The following GSAP variants were observed in gnomAD, a reference collection of about 807,000 sequenced individuals.
GSAP encodes the protein gamma-secretase activating protein, also known as gamma-secretase-activating protein.
Under a neutral mutation model 131.7 loss-of-function variants are expected in GSAP, and 118 were observed. The observed-to-expected ratio is 0.90, with a 90% confidence interval of 0.77 to 1.04. The LOEUF is 1.04. GSAP is among the 50% of genes least tolerant of loss of function. GSAP has a pLI of 0.00. For missense variants in GSAP, 1,019 were observed against 1,013.2 expected (o/e 1.01, Z -0.08); for synonymous variants, 381 against 363.4 (o/e 1.05, Z -0.55).
intron 2 of GSAP, 75 bp from the exon 3 acceptor site, chr7:77,404,690 C>CTTTATTTTCT: frequency 1.2e-6 from 1 of 810,934 alleles, no homozygotes. Context: ...TTAAAACCAA[C>CTTTATTTTCT]CTGCAATAAC....
intron 23 of GSAP, 121 bp from the exon 24 acceptor site, chr7:77,323,863 C>T: frequency 1.9e-6 from 1 of 525,186 alleles, no homozygotes; most frequent in East Asian, 3.3e-5. Context: ...TCTGAAGGTC[C>T]CATCAATGGA....
intron 19 of GSAP, among the ~76,000 whole-genome samples, chr7:77,335,572 CA>C (rs1330230127): frequency 2.6e-5 from 4 of 151,970 alleles, no homozygotes; most frequent in Non-Finnish European, 4.4e-5. Flanking sequence ...ACAAAAGAAC[CA>C]GTGGGTTACA....
chr7:77,328,366 G>A, intron 22 of GSAP: 3 of 1,263,430 alleles, frequency 2.4e-6, no homozygotes, highest in Non-Finnish European at 3.0e-6. Flanking sequence ...GAACCGCAAG[G>A]CCATCACCCA....
intron 1 of GSAP, among the ~76,000 whole-genome samples, chr7:77,411,775 A>C (rs1055249756): frequency 6.6e-6 from 1 of 152,148 alleles, no homozygotes; most frequent in Non-Finnish European, 1.5e-5. Flanking sequence ...TCAAAAATAT[A>C]TATATGAAAA....
intron 19 of GSAP, among the ~76,000 whole-genome samples, chr7:77,339,485 T>C (rs143313827): frequency 1.3e-3 from 192 of 151,984 alleles, no homozygotes; most frequent in African/African-American, 4.1e-3. Flanking sequence ...CAGAGGGTCA[T>C]AGAGAGATCT....
At chr7:77,376,816 T>C (rs775534410) in intron 10 of GSAP, 32 bp downstream of exon 10, 9 of 1,041,720 alleles carry the variant, frequency 8.6e-6, no homozygotes, top group Non-Finnish European at 1.3e-5. Context: ...TATCATAAAC[T>C]TTCCTGTAGT....
At chr7:77,379,863 T>A (rs1332350529) in intron 8 of GSAP, 1 of 984,868 alleles carries the variant, frequency 1.0e-6, no homozygotes, top group Admixed American at 6.1e-5. Context: ...CTGGCAATTT[T>A]CCAGCCAGGC....
intron 5 of GSAP, among the ~76,000 whole-genome samples, chr7:77,388,865 A>G (rs1371240867): frequency 6.6e-6 from 1 of 152,244 alleles, no homozygotes; most frequent in Non-Finnish European, 1.5e-5. Flanking sequence ...CTTGAAAAAG[A>G]CAGTAAGTGA....
chr7:77,355,675 T>C (rs1312353446), intron 14 of GSAP, 28 bp from the exon 15 acceptor site: 7 of 1,229,298 alleles, frequency 5.7e-6, no homozygotes, highest in Non-Finnish European at 8.4e-6. Context: ...TTACATCATC[T>C]ACATGTGGTA....
At chr7:77,329,535 A>T (rs530315258) in intron 20 of GSAP, 144 bp from the exon 21 acceptor site, 4 of 422,558 alleles carry the variant, frequency 9.5e-6, no homozygotes, top group African/African-American at 2.1e-5. Context: ...GATTTTTTTT[A>T]AAGTTTTAAG....
In GSAP at chr7:77,349,459, G is replaced by A. The variant is rs975112095; in HGVS notation, c.1492-55C>T. 6 of 1,466,880 alleles carry A rather than the reference G, an allele frequency of 4.1e-6. No individual in the cohort carries two copies. The African/African-American group carries it at 4.2e-5, about 10-fold the overall frequency. The allele number at this position is 1,466,880 out of a possible 1,614,324, so 90.9% of individuals were successfully genotyped here. A position where few individuals can be genotyped will look rare whatever the true frequency, so the allele number is the denominator to read the frequency against. On this transcript the variant is annotated intron_variant, in intron 18 of 30. Transcript: ENST00000257626. ...CTGCTCAGTGTATGAACTACCACTA[G>A]CTCAAGCTTTCAGGGAGTGTTTTCT...
At chr7:77,371,431 C>CTTT (rs71085450) in intron 12 of GSAP, among the ~76,000 whole-genome samples, 2 of 142,978 alleles carry the variant, frequency 1.4e-5, no homozygotes. Flanking sequence ...CATCTTTTTT[C>CTTT]TTTTTTTTTT....
intron 19 of GSAP, among the ~76,000 whole-genome samples, chr7:77,334,089 A>G (rs1789573278): frequency 6.6e-6 from 1 of 152,180 alleles, no homozygotes; most frequent in African/African-American, 2.4e-5. Context: ...ACCCAAAGGA[A>G]TACAAATCCT....
intron 19 of GSAP, among the ~76,000 whole-genome samples, chr7:77,343,184 G>A (rs533513316): frequency 2.8e-4 from 40 of 144,792 alleles, no homozygotes; most frequent in Non-Finnish European, 4.6e-4. Context: ...GGCAGCTGCC[G>A]CGCTTTAATA....
At position 77,326,215 on chromosome 7, in the gene GSAP, C is replaced by T. The variant is rs1168360316; in HGVS notation, c.1824G>A (p.Gly608=). Residue 608 remains glycine (G), a synonymous_variant, in exon 23 of 31, where the codon GGG becomes GGA. Transcript: ENST00000257626. The part of the protein sequence containing the change: ...EEDSHQRLLM[G]LMVSELKDHF... ...AAAGAACCCACGTACCACTTACCAG[C>T]CCCATGAGCAGCCGCTGGTGGCTGT... The T allele has an allele frequency of 6.2e-7, 1 of 1,611,356 alleles. No homozygotes were observed. The highest frequency in any genetic ancestry group is 2.2e-5 in the East Asian group (1 of 44,806).
At chr7:77,319,369 T>G (rs1179612977) in intron 26 of GSAP, among the ~76,000 whole-genome samples, 1 of 152,156 alleles carries the variant, frequency 6.6e-6, no homozygotes, top group Non-Finnish European at 1.5e-5. Flanking sequence ...ATCTCTCAGG[T>G]TGGCTACTAT....
intron 12 of GSAP, among the ~76,000 whole-genome samples, chr7:77,366,257 T>C (rs932202731): frequency 2.0e-5 from 3 of 152,094 alleles, no homozygotes; most frequent in African/African-American, 7.2e-5. Context: ...CATTTGTCAA[T>C]TTTTGCTTCT....
chr7:77,353,017 T>C lies in GSAP; in HGVS notation c.1418A>G (p.Tyr473Cys). The change falls in exon 18 of 31, where the codon TAC becomes TGC. Residue 473 changes from tyrosine to cysteine, a missense_variant. Transcript: ENST00000257626. Reference protein sequence around the residue: ...LIQEFIIASSYWSVYSETSNM... With the variant: ...LIQEFIIASSCWSVYSETSNM... ...ACTTGTCTCTGAATATACACTCCAG[T>C]ATGAAGAAGCTGAGTAGATTTTTTT... 6.3e-7 allele frequency: 1 copy of C among 1,593,718 alleles called. No individual in the cohort carries two copies. Among genetic ancestry groups the C allele is most frequent in the Non-Finnish European group, 8.6e-7 (1 of 1,161,906 alleles).
At chr7:77,333,826 G>A (rs950762522) in intron 19 of GSAP, among the ~76,000 whole-genome samples, 4 of 152,170 alleles carry the variant, frequency 2.6e-5, no homozygotes, top group Admixed American at 2.0e-4. Context: ...GGAGGGGAGG[G>A]GAGGGGAAGG....
Sources: allele counts gnomAD v4.1 joint callset (sites outside exome capture counted in the v4.1 genomes callset), GRCh38; gene constraint gnomAD v4.1.1; transcripts MANE v1.5; gene names NCBI Gene and HGNC (gene_info 2026-07-23, HGNC 2026-07-21).